Variants in CTNND2 observed in about 807,000 individuals in gnomAD.
CTNND2 encodes catenin delta-2.
CTNND2 carries 22 observed loss-of-function variants against 144.4 expected under a neutral mutation model. That is an observed-to-expected ratio of 0.15 (90% CI 0.11 to 0.22). The LOEUF is 0.22. CTNND2 is among the 10% of genes least tolerant of loss of function. The pLI is 1.00. For synonymous variants in CTNND2, 751 were observed against 695.6 expected (o/e 1.08, Z -1.25); for missense variants, 1,353 against 1,618.8 (o/e 0.84, Z 2.82).
chr5:11,343,739 C>T (rs538896917), intron 9 of CTNND2, among the ~76,000 whole-genome samples: 2 of 152,194 alleles, frequency 1.3e-5, no homozygotes, highest in Non-Finnish European at 1.5e-5. Flanking sequence ...TCAGTTTCTG[C>T]TCACAAAGGA....
intron 20 of CTNND2, 131 bp from the exon 21 acceptor site, chr5:10,981,977 C>A (rs943795924): frequency 1.6e-5 from 11 of 697,252 alleles, no homozygotes; most frequent in African/African-American, 1.1e-4. Context: ...AGAAGACATT[C>A]TTTGGCCCTG....
chr5:11,615,733 T>C (rs1333550876), intron 2 of CTNND2, among the ~76,000 whole-genome samples: 1 of 152,168 alleles, frequency 6.6e-6, no homozygotes, highest in Non-Finnish European at 1.5e-5. Context: ...TTTAAATAAA[T>C]GTACCCCATG....
intron 12 of CTNND2, among the ~76,000 whole-genome samples, chr5:11,134,187 G>C (rs1235760691): frequency 6.6e-6 from 1 of 152,168 alleles, no homozygotes; most frequent in African/African-American, 2.4e-5. Context: ...GTGGCTTTAA[G>C]GATGAAGGAA....
chr5:11,310,893 G>A (rs563074842), intron 9 of CTNND2, among the ~76,000 whole-genome samples: 14 of 125,766 alleles, frequency 1.1e-4, no homozygotes, highest in Admixed American at 2.5e-4. Context: ...CACCTCACAC[G>A]CAATACACTC....
rs75970233 is a variant in CTNND2 at position 11,164,463 on chromosome 5, A to G, written c.1976-4704T>C. 1.4e-3 allele frequency among the ~76,000 whole-genome samples: 208 copies of G among 152,236 alleles called. 6 individuals carry two copies. The East Asian group carries it at 0.031, about 23-fold the overall frequency. On this transcript the variant is annotated intron_variant, in intron 11 of 21. Transcript: ENST00000304623. ...ATCACATTCATTCATTCATTTATCC[A>G]TTCCATAATATTAAGGACCTAGTAC...
intron 15 of CTNND2, among the ~76,000 whole-genome samples, chr5:11,097,533 G>T (rs1035507964): frequency 1.3e-5 from 2 of 152,212 alleles, no homozygotes; most frequent in Non-Finnish European, 2.9e-5. Flanking sequence ...TGGCACACTT[G>T]AGAAAGAAGG....
chr5:11,116,514 G>A (rs1753563317), intron 13 of CTNND2, among the ~76,000 whole-genome samples: 1 of 152,182 alleles, frequency 6.6e-6, no homozygotes, highest in South Asian at 2.1e-4. Flanking sequence ...AGGATATTAT[G>A]AAATTACAAA....
chr5:11,249,197 T>C (rs1386013314), intron 9 of CTNND2, among the ~76,000 whole-genome samples: 1 of 152,182 alleles, frequency 6.6e-6, no homozygotes. Flanking sequence ...TGATAGGCCA[T>C]GTGGTGTGGC....
intron 3 of CTNND2, among the ~76,000 whole-genome samples, chr5:11,457,333 A>G (rs1354326002): frequency 6.6e-6 from 1 of 151,864 alleles, no homozygotes; most frequent in East Asian, 1.9e-4. Context: ...AGCCCAGGTA[A>G]TCTCAAAACT....
chr5:11,129,157 ATATAT>A (rs1161489277), intron 12 of CTNND2, among the ~76,000 whole-genome samples: 1 of 19,242 alleles, frequency 5.2e-5, no homozygotes, highest in African/African-American at 1.6e-4. Flanking sequence ...TAAAATATAC[ATATAT>A]TATATATTAT....
Position 11,879,354 on chromosome 5 carries a change from T to TATATATATATATATATAC in CTNND2, c.37+24462_37+24463insGTATATATATATATATAT, listed in dbSNP as rs1169270632. ...AATTAAATGTGTGTATATATATATA[T>TATATATATATATATATAC]ATACATATACACACACACACAAACA... On this transcript the variant is annotated intron_variant, in intron 1 of 21. Transcript: ENST00000304623. Among the ~76,000 whole-genome samples, 195 of 139,764 alleles carry TATATATATATATATATAC rather than the reference T, an allele frequency of 1.4e-3. 4 individuals are homozygous for TATATATATATATATATAC. The highest frequency in any genetic ancestry group is 8.9e-4 in the African/African-American group (35 of 39,124). 91.7% of individuals were successfully genotyped at this position (139,764 alleles called of 152,430 possible).
intron 19 of CTNND2, among the ~76,000 whole-genome samples, chr5:10,989,984 A>G (rs1008407279): frequency 1.3e-5 from 2 of 152,222 alleles, no homozygotes; most frequent in African/African-American, 4.8e-5. Context: ...ATCCTTTAAA[A>G]AAAATACTGA....
At chr5:11,326,980 T>C (rs1402295910) in intron 9 of CTNND2, among the ~76,000 whole-genome samples, 1 of 152,196 alleles carries the variant, frequency 6.6e-6, no homozygotes, top group African/African-American at 2.4e-5. Context: ...TGTCTGTGCA[T>C]TGGTGACTTC....
At chr5:11,108,347 T>C (rs2149680927) in intron 14 of CTNND2, among the ~76,000 whole-genome samples, 1 of 152,288 alleles carries the variant, frequency 6.6e-6, no homozygotes, top group East Asian at 1.9e-4. Context: ...GCATTGAAGT[T>C]TTACACAGAG....
At chr5:11,377,463 T>G (rs1228055740) in intron 7 of CTNND2, among the ~76,000 whole-genome samples, 1 of 152,134 alleles carries the variant, frequency 6.6e-6, no homozygotes, top group African/African-American at 2.4e-5. Context: ...GAGGATGCCA[T>G]CTTGAACAAT....
chr5:11,469,115 C>T (rs1766928325), intron 3 of CTNND2, among the ~76,000 whole-genome samples: 1 of 152,160 alleles, frequency 6.6e-6, no homozygotes, highest in African/African-American at 2.4e-5. Context: ...GAGTTTCTAG[C>T]TCTTTCCACA....
intron 15 of CTNND2, among the ~76,000 whole-genome samples, chr5:11,086,105 C>T (rs1444391883): frequency 6.6e-6 from 1 of 152,004 alleles, no homozygotes; most frequent in African/African-American, 2.4e-5. Context: ...AACGAAGGAC[C>T]CAGGGCTGCA....
intron 11 of CTNND2, among the ~76,000 whole-genome samples, chr5:11,182,082 ATGTGTGGGGTG>A (rs1239593241): frequency 1.9e-5 from 1 of 52,904 alleles, no homozygotes; most frequent in Non-Finnish European, 3.6e-5. Flanking sequence ...TGTGTGTGGT[ATGTGTGGGGTG>A]TGTGTGGATG....
chr5:11,874,769 C>CTG (rs1735427599), intron 1 of CTNND2, among the ~76,000 whole-genome samples: 1 of 152,164 alleles, frequency 6.6e-6, no homozygotes, highest in African/African-American at 2.4e-5. Flanking sequence ...CTGTGGATAA[C>CTG]TGAAACCTGA....
Sources: allele counts gnomAD v4.1 joint callset (sites outside exome capture counted in the v4.1 genomes callset), GRCh38; gene constraint gnomAD v4.1.1; transcripts MANE v1.5; gene names NCBI Gene and HGNC (gene_info 2026-07-23, HGNC 2026-07-21).